Variants in DIAPH2 observed in about 807,000 individuals in gnomAD.
The protein encoded by DIAPH2 is diaphanous related formin 2.
A neutral mutation model predicts 92.7 loss-of-function variants in DIAPH2; 35 were observed. The ratio of observed to expected loss-of-function variants is 0.38; its 90% CI spans 0.29 to 0.50. DIAPH2 has a LOEUF of 0.50. DIAPH2 is among the 20% of genes least tolerant of loss of function. The pLI is 0.94. For synonymous variants in DIAPH2, 301 were observed against 280.4 expected, an observed-to-expected ratio of 1.07 and a Z score of -0.73; for missense variants, 701 against 819.5, an observed-to-expected ratio of 0.86 and a Z score of 1.77.
intron 22 of DIAPH2, among the ~76,000 whole-genome samples, chrX:97,203,180 G>A (rs1437519478): frequency 8.9e-6 from 1 of 111,904 alleles, no homozygotes; most frequent in Non-Finnish European, 1.9e-5. Context: ...AGTGTTAATA[G>A]GGAACTTTAT....
chrX:96,779,581 A>G (rs967245755), intron 4 of DIAPH2, among the ~76,000 whole-genome samples: 1 of 112,335 alleles, frequency 8.9e-6, no homozygotes, highest in African/African-American at 3.2e-5. Flanking sequence ...CTACTTTTCT[A>G]TCTTATCAGA....
intron 17 of DIAPH2, among the ~76,000 whole-genome samples, chrX:97,043,360 A>G (rs1360325637): frequency 2.7e-5 from 3 of 111,090 alleles, no homozygotes; most frequent in African/African-American, 9.8e-5. Flanking sequence ...GGAGCTGAGA[A>G]TTGAAAGGCC....
intron 17 of DIAPH2, among the ~76,000 whole-genome samples, chrX:97,014,965 G>A (rs1428152526): frequency 9.0e-6 from 1 of 111,604 alleles, no homozygotes; most frequent in Non-Finnish European, 1.9e-5. Flanking sequence ...TAAAACATGT[G>A]TATCGCTTAG....
At chrX:96,976,157 G>C (rs367705628) in intron 17 of DIAPH2, among the ~76,000 whole-genome samples, 1 of 109,474 alleles carries the variant, frequency 9.1e-6, no homozygotes. Context: ...GACTATAAGT[G>C]TGCACCACGA....
chrX:97,372,973 G>A (rs1402467822), intron 24 of DIAPH2, among the ~76,000 whole-genome samples: 14 of 107,858 alleles, frequency 1.3e-4, no homozygotes, highest in Admixed American at 4.0e-4. Context: ...GCGAAACTCC[G>A]TCTCAAAAAA....
chrX:96,757,333 T>C (rs1463587413), intron 3 of DIAPH2, among the ~76,000 whole-genome samples: 1 of 112,036 alleles, frequency 8.9e-6, no homozygotes, highest in Non-Finnish European at 1.9e-5. Context: ...CACATCTATA[T>C]CAGACATATG....
intron 5 of DIAPH2, among the ~76,000 whole-genome samples, chrX:96,905,922 G>A (rs1394436493): frequency 1.8e-5 from 2 of 112,162 alleles, no homozygotes; most frequent in Non-Finnish European, 3.8e-5. Flanking sequence ...GAGGTCAGGA[G>A]ATCGAGACCA....
chrX:97,448,120 T>A (rs777788115), intron 26 of DIAPH2, among the ~76,000 whole-genome samples: 3 of 112,234 alleles, frequency 2.7e-5, no homozygotes, highest in African/African-American at 9.7e-5. Flanking sequence ...TCTTTTGTGC[T>A]TGTTGTCCTA....
chrX:97,457,644 C>G lies in DIAPH2; in HGVS notation c.3241+27899C>G, dbSNP rs142105315. Among the ~76,000 whole-genome samples, 48 of 111,599 alleles carry G rather than the reference C, an allele frequency of 4.3e-4. No individual in the cohort carries two copies. The East Asian group carries it at 0.012, about 27-fold the overall frequency. On this transcript the variant is annotated intron_variant, in intron 26 of 26. Transcript: ENST00000324765. ...TAGAGGATCTACTCCAAGATCAGTT[C>G]TTCACTATACGGGCCTCTCTATAGA...
At chrX:96,910,431 T>C (rs2065462355) in intron 5 of DIAPH2, among the ~76,000 whole-genome samples, 1 of 111,718 alleles carries the variant, frequency 9.0e-6, no homozygotes, top group African/African-American at 3.3e-5. Flanking sequence ...AAAATATATT[T>C]TCTTCAGTGG....
At chrX:96,902,073 C>T (rs1199526290) in intron 5 of DIAPH2, among the ~76,000 whole-genome samples, 1 of 111,830 alleles carries the variant, frequency 8.9e-6, no homozygotes, top group South Asian at 3.7e-4. Flanking sequence ...AGACTAATTT[C>T]CATGTATTTG....
At chrX:97,130,902 T>C (rs2067133298) in intron 21 of DIAPH2, among the ~76,000 whole-genome samples, 1 of 110,600 alleles carries the variant, frequency 9.0e-6, no homozygotes, top group African/African-American at 3.3e-5. Flanking sequence ...CCCAGGATTT[T>C]GAGACCAGCC....
At chrX:96,986,077 T>C (rs1435815481) in intron 17 of DIAPH2, among the ~76,000 whole-genome samples, 2 of 111,843 alleles carry the variant, frequency 1.8e-5, no homozygotes, top group African/African-American at 6.5e-5. Flanking sequence ...TTTATAATAA[T>C]TTTTGTCAAA....
intron 26 of DIAPH2, among the ~76,000 whole-genome samples, chrX:97,591,553 A>G (rs1006946105): frequency 4.3e-4 from 48 of 112,041 alleles, no homozygotes; most frequent in African/African-American, 1.5e-3. Flanking sequence ...TAATGATTGG[A>G]TGATTATTTA....
intron 22 of DIAPH2, among the ~76,000 whole-genome samples, chrX:97,149,682 G>C (rs1231063652): frequency 1.2e-5 from 1 of 83,962 alleles, no homozygotes; most frequent in East Asian, 4.3e-4. Flanking sequence ...AGTGAGCCGA[G>C]ATCGCGCCAC....
At chrX:96,716,520 T>TA (rs2063951291) in intron 1 of DIAPH2, among the ~76,000 whole-genome samples, 1 of 111,870 alleles carries the variant, frequency 8.9e-6, no homozygotes, top group Non-Finnish European at 1.9e-5. Flanking sequence ...AAGCTGCACA[T>TA]ACTTAATGTG....
chrX:97,548,143 T>A (rs1380282405), intron 26 of DIAPH2, among the ~76,000 whole-genome samples: 1 of 112,139 alleles, frequency 8.9e-6, no homozygotes, highest in Non-Finnish European at 1.9e-5. Context: ...AGAGCAGACC[T>A]GAGGATACCT....
intron 25 of DIAPH2, among the ~76,000 whole-genome samples, chrX:97,414,290 A>G (rs1307927887): frequency 3.7e-4 from 41 of 111,849 alleles, no homozygotes; most frequent in African/African-American, 1.3e-3. Context: ...CCTGACAGTA[A>G]CAAGAAATGG....
intron 17 of DIAPH2, among the ~76,000 whole-genome samples, chrX:96,998,085 A>C (rs2066116877): frequency 8.9e-6 from 1 of 112,245 alleles, no homozygotes; most frequent in South Asian, 3.7e-4. Context: ...TTATAGAGGC[A>C]GCAAATGCTT....
Sources: allele counts gnomAD v4.1 joint callset (sites outside exome capture counted in the v4.1 genomes callset), GRCh38; gene constraint gnomAD v4.1.1; transcripts MANE v1.5; gene names NCBI Gene and HGNC (gene_info 2026-07-23, HGNC 2026-07-21).